ATP2B2: variants seen among roughly 807,000 people sequenced by gnomAD.
ATP2B2 encodes ATPase plasma membrane Ca2+ transporting 2.
ATP2B2 carries 15 observed loss-of-function variants against 120.0 expected under a neutral mutation model. That is an observed-to-expected ratio of 0.12 (90% confidence interval 0.08 to 0.19). ATP2B2 has a LOEUF of 0.19. Ranked by LOEUF, ATP2B2 falls within the 10% of genes least tolerant of loss-of-function variation. The probability of loss-of-function intolerance (pLI) is 1.00; values close to 1 mark genes in which losing one functional copy is unlikely to be tolerated. For synonymous variants in ATP2B2, 694 were observed against 700.3 expected, an observed-to-expected ratio of 0.99 and a Z score of 0.14; for missense variants, 1,045 against 1,719.8, an observed-to-expected ratio of 0.61 and a Z score of 6.94.
At chr3:10,628,633 T>C (rs1008820636) in intron 1 of ATP2B2, among the ~76,000 whole-genome samples, 4 of 152,212 alleles carry the variant, frequency 2.6e-5, no homozygotes, top group Admixed American at 2.0e-4. Context: ...ACAATCTCCT[T>C]TCACAGCCTT....
chr3:10,500,868 C>T (rs1331236492), intron 1 of ATP2B2, among the ~76,000 whole-genome samples: 1 of 152,250 alleles, frequency 6.6e-6, no homozygotes, highest in Non-Finnish European at 1.5e-5. Flanking sequence ...CTGAGACTTG[C>T]AGTGTTTCTG....
At chr3:10,594,682 G>A (rs911160543) in intron 2 of ATP2B2, among the ~76,000 whole-genome samples, 28 of 150,070 alleles carry the variant, frequency 1.9e-4, no homozygotes, top group Middle Eastern at 3.4e-3. Flanking sequence ...AAACCTGCAC[G>A]TTGTGCACAT....
In ATP2B2 at chr3:10,343,099, G is replaced by A; in HGVS notation, c.2704-134C>T. The A allele has an allele frequency of 1.1e-6, 1 of 870,490 alleles. No homozygotes were observed. Among genetic ancestry groups the A allele is most frequent in the Non-Finnish European group, 1.8e-6 (1 of 553,910 alleles). 53.9% of individuals were successfully genotyped at this position (870,490 alleles called of 1,614,324 possible). The stretch of plus-strand genomic sequence containing the variant: ...CGACCTGCCCCTTGGCTCCCCAGCA[G>A]GCATGGAGTTGTTCTCTGATGCCTT... On this transcript the variant is annotated intron_variant, in intron 18 of 22. Coordinates refer to ENST00000360273, the MANE Select transcript of ATP2B2 (RefSeq NM_001001331.4). This position sits in a 1 kb window ranked among gnomAD's most constrained non-coding sequence, Gnocchi z 4.2.
intron 2 of ATP2B2, among the ~76,000 whole-genome samples, chr3:10,551,896 G>T (rs1165289628): frequency 2.6e-5 from 4 of 152,220 alleles, no homozygotes; most frequent in African/African-American, 9.7e-5. Context: ...TCTAGGCTGG[G>T]CCAGCTCCCT....
chr3:10,492,583 C>T (rs2065974482), intron 1 of ATP2B2, among the ~76,000 whole-genome samples: 1 of 152,180 alleles, frequency 6.6e-6, no homozygotes, highest in Non-Finnish European at 1.5e-5. Flanking sequence ...TCTGCACTGG[C>T]CCTCTCCCCA....
chr3:10,350,226 G>GGT, intron 15 of ATP2B2, 27 bp from the exon 16 acceptor site: 1 of 1,495,004 alleles, frequency 6.7e-7, no homozygotes, highest in South Asian at 1.1e-5. Flanking sequence ...AAGGGGGCGG[G>GGT]TCGGTGGGGT....
In ATP2B2 at chr3:10,327,126, G is replaced by T; in HGVS notation, c.*1688C>A. 1 of 305,702 alleles carries T rather than the reference G, an allele frequency of 3.3e-6. No individual in the cohort carries two copies. The highest frequency in any genetic ancestry group is 5.9e-6 in the Non-Finnish European group (1 of 168,428). The allele number at this position is 305,702 out of a possible 1,614,324, so 18.9% of individuals were successfully genotyped here. On this transcript the variant is annotated 3_prime_UTR_variant, in exon 23 of 23. Transcript: ENST00000360273. ...GTATTAAATACAAAAGTTCTTTTAT[G>T]AAAAACGCTGAGACCCACAAAGTGC...
At chr3:10,694,381 T>C (rs2071711689) in intron 1 of ATP2B2, among the ~76,000 whole-genome samples, 1 of 152,204 alleles carries the variant, frequency 6.6e-6, no homozygotes, top group Non-Finnish European at 1.5e-5. Flanking sequence ...AGTAATTAGG[T>C]CATTTCACTA....
intron 1 of ATP2B2, among the ~76,000 whole-genome samples, chr3:10,689,531 TAA>T (rs951505260): frequency 6.6e-6 from 1 of 151,476 alleles, no homozygotes; most frequent in Non-Finnish European, 1.5e-5. Context: ...ATACCAACAT[TAA>T]AAAAAATAAG....
chr3:10,620,981 C>G (rs2069530308), intron 1 of ATP2B2, among the ~76,000 whole-genome samples: 1 of 152,206 alleles, frequency 6.6e-6, no homozygotes, highest in Non-Finnish European at 1.5e-5. Flanking sequence ...CAGGGCTAAC[C>G]AGGTCCTGAG....
chr3:10,449,244 G>T, intron 2 of ATP2B2, 101 bp downstream of exon 2: 1 of 1,324,390 alleles, frequency 7.6e-7, no homozygotes, highest in Non-Finnish European at 1.1e-6. Flanking sequence ...GCCTTTCTCT[G>T]ACACATCCCT....
intron 2 of ATP2B2, among the ~76,000 whole-genome samples, chr3:10,417,872 G>A (rs113461928): frequency 8.7e-4 from 133 of 152,304 alleles, no homozygotes; most frequent in African/African-American, 3.0e-3. Flanking sequence ...AGGCTAGAGT[G>A]GCTGAAGCAT....
At chr3:10,559,661 G>A (rs777663862) in intron 2 of ATP2B2, among the ~76,000 whole-genome samples, 2 of 152,116 alleles carry the variant, frequency 1.3e-5, no homozygotes, top group Non-Finnish European at 2.9e-5. Flanking sequence ...CAAGCCCCCC[G>A]ACTTCCAATC....
chr3:10,690,822 T>G (rs1182558484), intron 1 of ATP2B2, among the ~76,000 whole-genome samples: 1 of 152,238 alleles, frequency 6.6e-6, no homozygotes, highest in African/African-American at 2.4e-5. Context: ...AATTCTCACC[T>G]GGTTATGAAT....
chr3:10,430,293 T>A (rs2063276074), intron 2 of ATP2B2, among the ~76,000 whole-genome samples: 1 of 152,242 alleles, frequency 6.6e-6, no homozygotes, highest in Admixed American at 6.5e-5. Context: ...CCATAGTGAT[T>A]CCTCTGATGG....
rs114766858 is a variant in ATP2B2, at chr3:10,628,482, C to T, written c.-459-8521G>A. 5.5e-3 allele frequency among the ~76,000 whole-genome samples: 836 copies of T among 152,104 alleles called. 10 individuals carry two copies. Among genetic ancestry groups the T allele is most frequent in the African/African-American group, 0.019 (787 of 41,360 alleles). ...CTCTAGGACATCCTCTGCCTCCTTT[C>T]GCAGCTCTCTCCTAATGCCCTAAAG... On this transcript the variant is annotated intron_variant, in intron 1 of 21. Transcript: ENST00000646379.
chr3:10,646,440 A>G (rs577572311), intron 1 of ATP2B2, among the ~76,000 whole-genome samples: 128 of 152,006 alleles, frequency 8.4e-4, no homozygotes, highest in Non-Finnish European at 1.6e-3. Context: ...GACCATTAAG[A>G]CACCCCCGAT....
At chr3:10,527,149 G>A (rs573014029) in intron 3 of ATP2B2, among the ~76,000 whole-genome samples, 3 of 152,316 alleles carry the variant, frequency 2.0e-5, no homozygotes, top group African/African-American at 7.2e-5. Flanking sequence ...CCTCTGAGCT[G>A]GGCAGGTAGT....
At chr3:10,572,741 G>A (rs1246897319) in intron 2 of ATP2B2, among the ~76,000 whole-genome samples, 1 of 152,202 alleles carries the variant, frequency 6.6e-6, no homozygotes, top group African/African-American at 2.4e-5. Flanking sequence ...ATGGGTTGAA[G>A]GGGCATCTGC....
Sources: allele counts gnomAD v4.1 joint callset (sites outside exome capture counted in the v4.1 genomes callset), GRCh38; gene constraint gnomAD v4.1.1; non-coding constraint Gnocchi (gnomAD v3.1); transcripts MANE v1.5; gene names NCBI Gene and HGNC (gene_info 2026-07-23, HGNC 2026-07-21).